Variants in GABRB3 observed in about 807,000 individuals in gnomAD.
The protein encoded by GABRB3 is gamma-aminobutyric acid type A receptor subunit beta3, also known as gamma-aminobutyric acid receptor subunit beta-3.
Under a neutral mutation model 52.1 loss-of-function variants are expected in GABRB3, and 14 were observed. The observed-to-expected ratio is 0.27, with a 90% CI of 0.18 to 0.42. The LOEUF is 0.42. GABRB3 is among the 10% of genes least tolerant of loss of function. GABRB3 has a pLI of 1.00. For missense variants in GABRB3, 307 were observed against 609.1 expected (o/e 0.50, Z 5.22); for synonymous variants, 260 against 232.3 (o/e 1.12, Z -1.08).
chr15:26,660,469 T>C (rs1328645976), intron 3 of GABRB3, among the ~76,000 whole-genome samples: 1 of 152,136 alleles, frequency 6.6e-6, no homozygotes, highest in Non-Finnish European at 1.5e-5. Flanking sequence ...GATAAATACA[T>C]CAGAGTTAAT....
chr15:26,729,230 C>T (rs1475399378), intron 3 of GABRB3, among the ~76,000 whole-genome samples: 3 of 152,126 alleles, frequency 2.0e-5, no homozygotes, highest in Non-Finnish European at 4.4e-5. Flanking sequence ...CTCAGCTCCC[C>T]ACCCTGGAGA....
intron 3 of GABRB3, chr15:26,624,386 T>A (rs1892605076): frequency 1.0e-6 from 1 of 985,380 alleles, no homozygotes; most frequent in Admixed American, 6.1e-5. Flanking sequence ...CCCCGCATGC[T>A]TACGCCTGAG....
At chr15:26,679,745 G>C (rs1888179932) in intron 3 of GABRB3, among the ~76,000 whole-genome samples, 1 of 152,016 alleles carries the variant, frequency 6.6e-6, no homozygotes. Flanking sequence ...CCAGTGAGCA[G>C]GGCAACTTGC....
chr15:26,622,842 C>T (rs1892538786), intron 3 of GABRB3, among the ~76,000 whole-genome samples: 2 of 152,176 alleles, frequency 1.3e-5, no homozygotes, highest in Admixed American at 6.5e-5. Context: ...TGTACTATAT[C>T]ACTGTAAACA....
intron 6 of GABRB3, among the ~76,000 whole-genome samples, chr15:26,572,742 A>G (rs946847123): frequency 1.3e-5 from 2 of 152,208 alleles, no homozygotes; most frequent in Admixed American, 1.3e-4. Flanking sequence ...TTGAATTTAC[A>G]ACTGAAATGC....
intron 6 of GABRB3, among the ~76,000 whole-genome samples, chr15:26,572,490 G>A (rs938842499): frequency 5.3e-5 from 8 of 152,162 alleles, no homozygotes; most frequent in African/African-American, 1.9e-4. Flanking sequence ...ATTATCTGAC[G>A]TAGTAGATCT....
intron 3 of GABRB3, among the ~76,000 whole-genome samples, chr15:26,687,024 G>A (rs1888429247): frequency 6.6e-6 from 1 of 152,238 alleles, no homozygotes; most frequent in South Asian, 2.1e-4. Context: ...TCCATGCCAA[G>A]AGGCGCACAG....
intron 4 of GABRB3, among the ~76,000 whole-genome samples, chr15:26,602,673 T>C (rs182544195): frequency 5.3e-5 from 8 of 152,094 alleles, no homozygotes; most frequent in African/African-American, 9.6e-5. Context: ...AGTGGGTCAA[T>C]GAAGAAATTA....
At chr15:26,655,842 A>G (rs964306078) in intron 3 of GABRB3, among the ~76,000 whole-genome samples, 2 of 152,056 alleles carry the variant, frequency 1.3e-5, no homozygotes, top group Non-Finnish European at 2.9e-5. Context: ...CCTGCTAATC[A>G]GCTCATTAGA....
intron 8 of GABRB3, among the ~76,000 whole-genome samples, chr15:26,552,845 G>A (rs116217538): frequency 0.01 from 1,527 of 152,284 alleles, 36 homozygotes; most frequent in African/African-American, 0.035. Flanking sequence ...GAGGGCCTGG[G>A]AGGGGGGTTC....
rs548666971 is a variant in GABRB3, at chr15:26,569,042, A to G, written c.683-1309T>C. Reference sequence around the variant, plus strand: ...GAAGCTGCCCACACCCTAAACTCCAAGAGGCCTCACCTTTCCTGATCTCCT... The same window carrying G: ...GAAGCTGCCCACACCCTAAACTCCAGGAGGCCTCACCTTTCCTGATCTCCT... On this transcript the variant is annotated intron_variant, in intron 6 of 8. Coordinates refer to ENST00000311550, the MANE Select transcript of GABRB3 (RefSeq NM_000814.6). 2.4e-4 allele frequency among the ~76,000 whole-genome samples: 36 copies of G among 152,204 alleles called. 1 individual carries two copies. In the South Asian group the frequency reaches 5.0e-3, roughly 21 times the overall value.
chr15:26,663,535 A>T (rs1019201466), intron 3 of GABRB3, among the ~76,000 whole-genome samples: 1 of 152,164 alleles, frequency 6.6e-6, no homozygotes, highest in Non-Finnish European at 1.5e-5. Context: ...GCTTTTTTAA[A>T]AGTTAGTGCC....
chr15:26,573,635 TAAATTATACTTCATAA>T (rs1403030745), intron 6 of GABRB3, among the ~76,000 whole-genome samples: 1 of 152,216 alleles, frequency 6.6e-6, no homozygotes, highest in Non-Finnish European at 1.5e-5. Context: ...GGCAAAACAT[TAAATTATACTTCATAA>T]AAATTAAAAA....
At chr15:26,554,176 G>GAGTGTATATATATATATATATATA (rs71420007) in intron 8 of GABRB3, among the ~76,000 whole-genome samples, 2 of 27,334 alleles carry the variant, frequency 7.3e-5, no homozygotes, top group African/African-American at 2.3e-4. Flanking sequence ...TATATATAAA[G>GAGTGTATATATATATATATATATA]TATATATATA....
chr15:26,574,821 G>C (rs1890536139), intron 6 of GABRB3, among the ~76,000 whole-genome samples: 2 of 152,114 alleles, frequency 1.3e-5, no homozygotes, highest in Non-Finnish European at 2.9e-5. Flanking sequence ...GTCATGGTTG[G>C]ACAACTCTGC....
intron 3 of GABRB3, among the ~76,000 whole-genome samples, chr15:26,651,480 A>G (rs1396335345): frequency 6.6e-6 from 1 of 152,244 alleles, no homozygotes; most frequent in African/African-American, 2.4e-5. Flanking sequence ...TCAGAGCTAT[A>G]AAAATCAGGT....
At chr15:26,719,922 T>G (rs1889597759) in intron 3 of GABRB3, among the ~76,000 whole-genome samples, 1 of 152,200 alleles carries the variant, frequency 6.6e-6, no homozygotes, top group African/African-American at 2.4e-5. Flanking sequence ...TCATATCCCC[T>G]GTGACCTGCA....
At chr15:26,764,944 C>G (rs2094422641) in intron 3 of GABRB3, among the ~76,000 whole-genome samples, 1 of 151,956 alleles carries the variant, frequency 6.6e-6, no homozygotes, top group Non-Finnish European at 1.5e-5. Context: ...TCCTGGCTAA[C>G]ACGGTGAAAA....
At chr15:26,570,404 C>T (rs1890350697) in intron 6 of GABRB3, among the ~76,000 whole-genome samples, 1 of 152,204 alleles carries the variant, frequency 6.6e-6, no homozygotes, top group Admixed American at 6.5e-5. Flanking sequence ...AGACCCTCCT[C>T]GCGGGCCTCG....
Sources: allele counts gnomAD v4.1 joint callset (sites outside exome capture counted in the v4.1 genomes callset), GRCh38; gene constraint gnomAD v4.1.1; transcripts MANE v1.5; gene names NCBI Gene and HGNC (gene_info 2026-07-23, HGNC 2026-07-21).